OPCML: variants seen among roughly 807,000 people sequenced by gnomAD.
OPCML encodes the protein opioid binding protein/cell adhesion molecule like.
In OPCML, 13 loss-of-function variants were observed where a neutral mutation model predicts 37.8. The ratio of observed to expected loss-of-function variants is 0.34; its 90% CI spans 0.22 to 0.55. The LOEUF (loss-of-function observed/expected upper bound fraction) is 0.55, where lower values mean the gene tolerates loss of function less well. Among genes scored for constraint, OPCML ranks in the 20% least tolerant of loss-of-function variants. The probability of loss-of-function intolerance (pLI) is 0.91; values close to 1 mark genes in which losing one functional copy is unlikely to be tolerated. For missense variants in OPCML, 341 were observed against 435.6 expected, an observed-to-expected ratio of 0.78 and a Z score of 1.93; for synonymous variants, 176 against 168.8, an observed-to-expected ratio of 1.04 and a Z score of -0.33.
chr11:132,629,540 C>T (rs1939966269), intron 3 of OPCML, among the ~76,000 whole-genome samples: 1 of 152,172 alleles, frequency 6.6e-6, no homozygotes, highest in South Asian at 2.1e-4. Flanking sequence ...AAGAAACTTT[C>T]AGAAGTTAGT....
chr11:132,546,928 G>C (rs933779959), intron 3 of OPCML, among the ~76,000 whole-genome samples: 5 of 152,206 alleles, frequency 3.3e-5, no homozygotes, highest in Admixed American at 3.3e-4. Context: ...AGCCTGTGTG[G>C]CCCTACCTTC....
intron 2 of OPCML, among the ~76,000 whole-genome samples, chr11:132,738,410 A>G (rs1262024836): frequency 6.6e-6 from 1 of 152,224 alleles, no homozygotes; most frequent in Non-Finnish European, 1.5e-5. Flanking sequence ...TCACTCATAC[A>G]CACAAGTGCA....
At chr11:132,907,879 G>T (rs1223471263) in intron 2 of OPCML, among the ~76,000 whole-genome samples, 1 of 152,114 alleles carries the variant, frequency 6.6e-6, no homozygotes, top group Non-Finnish European at 1.5e-5. Context: ...GCATGTGGAG[G>T]CCTGGTTTAA....
intron 1 of OPCML, among the ~76,000 whole-genome samples, chr11:133,027,424 G>T (rs1017347010): frequency 3.9e-5 from 6 of 151,996 alleles, no homozygotes; most frequent in African/African-American, 1.5e-4. Context: ...CAAAAATAAA[G>T]AAATAGTCAC....
intron 1 of OPCML, among the ~76,000 whole-genome samples, chr11:133,234,424 C>A (rs1312421094): frequency 6.6e-6 from 1 of 152,226 alleles, no homozygotes. Context: ...ACCTAACCAC[C>A]ATTCTAATGA....
Position 133,264,777 on chromosome 11 carries a change from AAAG to A in OPCML, c.61+267484_61+267486del, listed in dbSNP as rs199996499. 8.2e-3 allele frequency among the ~76,000 whole-genome samples: 1,245 copies of A among 152,342 alleles called. 9 individuals carry two copies. Among genetic ancestry groups the A allele is most frequent in the Middle Eastern group, 0.027 (8 of 294 alleles). ...ACACAGCGGTTTTTAATAAAAAAAA[AAAG>A]TACGTGGTTATACATCTGTCATCAA... On this transcript the variant is annotated intron_variant, in intron 1 of 7. Coordinates refer to ENST00000524381, the MANE Select transcript of OPCML (RefSeq NM_001012393.5).
chr11:132,831,571 T>C (rs1940690914), intron 2 of OPCML, among the ~76,000 whole-genome samples: 1 of 152,138 alleles, frequency 6.6e-6, no homozygotes, highest in Admixed American at 6.6e-5. Context: ...TTAATTGCCA[T>C]CTTTAAATAG....
At chr11:133,348,044 C>T (rs1055894701) in intron 1 of OPCML, among the ~76,000 whole-genome samples, 1 of 152,068 alleles carries the variant, frequency 6.6e-6, no homozygotes, top group Non-Finnish European at 1.5e-5. Context: ...GTTGTATATG[C>T]ATTCTATTAA....
chr11:132,805,012 A>G (rs1938914205), intron 2 of OPCML, among the ~76,000 whole-genome samples: 1 of 152,256 alleles, frequency 6.6e-6, no homozygotes, highest in Non-Finnish European at 1.5e-5. Flanking sequence ...AATTAAATAA[A>G]AATGTGTTCA....
intron 1 of OPCML, among the ~76,000 whole-genome samples, chr11:133,027,655 T>C (rs1226438250): frequency 1.3e-5 from 2 of 148,258 alleles, no homozygotes; most frequent in African/African-American, 2.5e-5. Flanking sequence ...GTGATGCATG[T>C]GTGGGGCGTG....
chr11:133,472,675 C>A (rs1947145258), intron 1 of OPCML, among the ~76,000 whole-genome samples: 1 of 151,810 alleles, frequency 6.6e-6, no homozygotes, highest in Non-Finnish European at 1.5e-5. Context: ...CCAGAAATAG[C>A]CTGTGGCAAT....
At chr11:132,502,783 G>A (rs2096248352) in intron 4 of OPCML, among the ~76,000 whole-genome samples, 1 of 152,172 alleles carries the variant, frequency 6.6e-6, no homozygotes. Flanking sequence ...GGTTCACAGT[G>A]CCTGTAATAA....
chr11:133,139,337 A>G lies in OPCML; in HGVS notation c.62-196327T>C, dbSNP rs915878923. On this transcript the variant is annotated intron_variant, in intron 1 of 7. Transcript: ENST00000524381. Reference sequence around the variant, plus strand: ...ACCAGAAACCATTCTAAGTGTTTACATATCTTAATTAATGTAATCCTCACA... The same window carrying G: ...ACCAGAAACCATTCTAAGTGTTTACGTATCTTAATTAATGTAATCCTCACA... 2.6e-5 allele frequency among the ~76,000 whole-genome samples: 4 copies of G among 152,252 alleles called. No individual in the cohort carries two copies. In the South Asian group the frequency reaches 6.2e-4, roughly 24 times the overall value.
At chr11:133,106,510 C>G (rs948884279) in intron 1 of OPCML, among the ~76,000 whole-genome samples, 3 of 152,206 alleles carry the variant, frequency 2.0e-5, no homozygotes, top group Non-Finnish European at 2.9e-5. Flanking sequence ...AAAGAAATAA[C>G]AAACTCCCCT....
At chr11:133,234,539 G>T (rs1055490581) in intron 1 of OPCML, among the ~76,000 whole-genome samples, 9 of 152,268 alleles carry the variant, frequency 5.9e-5, no homozygotes, top group African/African-American at 2.2e-4. Context: ...CCTAGACTGG[G>T]CACAGGCCTC....
intron 1 of OPCML, among the ~76,000 whole-genome samples, chr11:133,119,665 G>A (rs1159320432): frequency 2.0e-5 from 3 of 152,180 alleles, no homozygotes; most frequent in Non-Finnish European, 4.4e-5. Context: ...CAATTTCAAA[G>A]TGTAAAATTC....
chr11:132,548,266 G>A (rs1304979580), intron 3 of OPCML, among the ~76,000 whole-genome samples: 1 of 152,138 alleles, frequency 6.6e-6, no homozygotes, highest in Non-Finnish European at 1.5e-5. Flanking sequence ...AAGAAAGTAG[G>A]CTCTAAAGGA....
intron 1 of OPCML, among the ~76,000 whole-genome samples, chr11:133,188,939 G>A (rs1400828244): frequency 6.6e-6 from 1 of 152,120 alleles, no homozygotes; most frequent in Non-Finnish European, 1.5e-5. Flanking sequence ...CTAGCCAGGT[G>A]ATATCACCAC....
In OPCML at chr11:132,906,579, C is replaced by T. The variant is rs990145255; in HGVS notation, c.146+36347G>A. The stretch of plus-strand genomic sequence containing the variant: ...TCGTTTACCATTCAGAATTTCTTCA[C>T]AGGAAGCAGCTAGTTAATCCTTGCC... On this transcript the variant is annotated intron_variant, in intron 2 of 7. Coordinates refer to ENST00000524381, the MANE Select transcript of OPCML (RefSeq NM_001012393.5). 2.0e-5 allele frequency among the ~76,000 whole-genome samples: 3 copies of T among 152,158 alleles called. No individual in the cohort carries two copies. In the East Asian group the frequency reaches 5.8e-4, roughly 29 times the overall value.
Sources: gnomAD v4.1 joint callset for allele counts (sites outside exome capture counted in the v4.1 genomes callset) on GRCh38, gnomAD v4.1.1 for gene constraint, MANE v1.5 for transcripts, NCBI Gene and HGNC (gene_info 2026-07-23, HGNC 2026-07-21) for gene names.